NPAS3: variants seen among roughly 807,000 people sequenced by gnomAD.
NPAS3 encodes neuronal PAS domain-containing protein 3.
In NPAS3, 14 loss-of-function variants were observed where a neutral mutation model predicts 73.1. That is an observed-to-expected ratio of 0.19 (90% CI 0.13 to 0.30). The LOEUF (loss-of-function observed/expected upper bound fraction) is 0.30, where lower values mean the gene tolerates loss of function less well. Among genes scored for constraint, NPAS3 ranks in the 10% least tolerant of loss-of-function variants. NPAS3 has a pLI of 1.00. For synonymous variants in NPAS3, 620 were observed against 541.5 expected (o/e 1.14, Z -2.01); for missense variants, 1,096 against 1,250.0 (o/e 0.88, Z 1.86).
intron 1 of NPAS3, among the ~76,000 whole-genome samples, chr14:32,999,937 T>A (rs1318601559): frequency 1.3e-5 from 2 of 152,238 alleles, no homozygotes; most frequent in Non-Finnish European, 2.9e-5. Flanking sequence ...TGTGGTGAGT[T>A]GTGATGAAGT....
In NPAS3 at chr14:33,544,788, T is replaced by TTATATATATATATATATATA. The variant is rs71406561; in HGVS notation, c.469-15329_469-15310dup. Among the ~76,000 whole-genome samples, 156 of 63,240 alleles carry TTATATATATATATATATATA rather than the reference T, an allele frequency of 2.5e-3. 6 individuals are homozygous for TTATATATATATATATATATA. The highest frequency in any genetic ancestry group is 0.013 in the African/African-American group (148 of 11,560). 41.5% of individuals were successfully genotyped at this position (63,240 alleles called of 152,430 possible). ...GCATGTATGTGTTTATGTGTGTGTA[T>TTATATATATATATATATATA]TATATATATATATATATATATATGT... On this transcript the variant is annotated intron_variant, in intron 4 of 11. Transcript: ENST00000356141.
At chr14:33,165,907 T>G (rs1313510681) in intron 2 of NPAS3, among the ~76,000 whole-genome samples, 3 of 152,194 alleles carry the variant, frequency 2.0e-5, no homozygotes, top group African/African-American at 4.8e-5. Flanking sequence ...GAGTACTTTG[T>G]GTCCCCCCAT....
At chr14:33,131,095 G>C (rs7143811) in intron 2 of NPAS3, among the ~76,000 whole-genome samples, 142,557 of 152,212 alleles carry the variant, frequency 0.94, 66,811 homozygotes, top group Non-Finnish European at 0.95. Flanking sequence ...TCCTCTACTT[G>C]TCAGTACACA....
intron 2 of NPAS3, among the ~76,000 whole-genome samples, chr14:33,152,171 G>A (rs1427991772): frequency 6.6e-6 from 1 of 152,006 alleles, no homozygotes; most frequent in African/African-American, 2.4e-5. Context: ...GAAAGCCCCT[G>A]CAACAAAAAT....
intron 4 of NPAS3, among the ~76,000 whole-genome samples, chr14:33,396,341 T>G (rs1416060903): frequency 6.6e-6 from 1 of 152,160 alleles, no homozygotes; most frequent in Non-Finnish European, 1.5e-5. Context: ...TGGTCCTGAC[T>G]CTGAGCAGTG....
At chr14:32,956,308 T>C (rs539158959) in intron 1 of NPAS3, among the ~76,000 whole-genome samples, 2 of 152,302 alleles carry the variant, frequency 1.3e-5, no homozygotes, top group African/African-American at 4.8e-5. Flanking sequence ...ACAGTTTTTC[T>C]AGGGATTTCT....
chr14:33,119,421 C>T (rs2043163458), intron 2 of NPAS3, among the ~76,000 whole-genome samples: 1 of 151,998 alleles, frequency 6.6e-6, no homozygotes, highest in African/African-American at 2.4e-5. Flanking sequence ...GGGAGGAAAA[C>T]AAGATAGGAA....
chr14:33,151,075 C>A (rs1331704591), intron 2 of NPAS3, among the ~76,000 whole-genome samples: 1 of 152,220 alleles, frequency 6.6e-6, no homozygotes. Flanking sequence ...ATACTTAACA[C>A]CGTGAATCTC....
At chr14:33,164,701 G>A (rs528455387) in intron 2 of NPAS3, among the ~76,000 whole-genome samples, 3 of 152,182 alleles carry the variant, frequency 2.0e-5, no homozygotes, top group African/African-American at 7.2e-5. Context: ...AATTTCTTTC[G>A]TATTCCTGTT....
chr14:33,473,671 G>C (rs1481368173), intron 4 of NPAS3, among the ~76,000 whole-genome samples: 3 of 152,138 alleles, frequency 2.0e-5, no homozygotes, highest in African/African-American at 7.2e-5. Flanking sequence ...GAGTGTAATG[G>C]GAAGAGAGTT....
chr14:32,987,766 A>T (rs1167603766), intron 1 of NPAS3, among the ~76,000 whole-genome samples: 2 of 152,164 alleles, frequency 1.3e-5, no homozygotes, highest in African/African-American at 4.8e-5. Flanking sequence ...AATTTACAAG[A>T]CTTACATTAA....
At chr14:33,548,223 A>G (rs1035091271) in intron 4 of NPAS3, among the ~76,000 whole-genome samples, 2 of 152,222 alleles carry the variant, frequency 1.3e-5, no homozygotes, top group Admixed American at 1.3e-4. Context: ...TTAGTCTACA[A>G]TTAGTCTACA....
At chr14:33,201,771 C>T (rs892078204) in intron 2 of NPAS3, among the ~76,000 whole-genome samples, 1 of 152,106 alleles carries the variant, frequency 6.6e-6, no homozygotes, top group Non-Finnish European at 1.5e-5. Flanking sequence ...GTGATGGGGG[C>T]ACATTGAGAA....
At chr14:33,709,857 T>C (rs927338273) in intron 6 of NPAS3, among the ~76,000 whole-genome samples, 5 of 152,176 alleles carry the variant, frequency 3.3e-5, no homozygotes, top group African/African-American at 7.2e-5. Flanking sequence ...GGATGGTTGA[T>C]ATGTATCATG....
At chr14:32,959,914 A>C (rs558789853) in intron 1 of NPAS3, among the ~76,000 whole-genome samples, 13 of 152,178 alleles carry the variant, frequency 8.5e-5, no homozygotes, top group Non-Finnish European at 1.9e-4. Flanking sequence ...AACTGGCATA[A>C]ACATTCTATG....
chr14:33,525,566 A>C (rs1345421309), intron 4 of NPAS3, among the ~76,000 whole-genome samples: 2 of 152,126 alleles, frequency 1.3e-5, no homozygotes, highest in Non-Finnish European at 2.9e-5. Flanking sequence ...AGGATGATTC[A>C]TTTATTTCTG....
intron 4 of NPAS3, among the ~76,000 whole-genome samples, chr14:33,444,069 A>G (rs965701203): frequency 6.6e-6 from 1 of 152,214 alleles, no homozygotes. Flanking sequence ...AGAAATTTAC[A>G]CTTTGTCTTT....
At chr14:33,539,015 G>A (rs1029065778) in intron 4 of NPAS3, among the ~76,000 whole-genome samples, 2 of 152,284 alleles carry the variant, frequency 1.3e-5, no homozygotes, top group East Asian at 3.9e-4. Context: ...AACCTCTCAA[G>A]CATCATCTAG....
chr14:33,725,358 G>A (rs1001160917), intron 6 of NPAS3, among the ~76,000 whole-genome samples: 1 of 152,004 alleles, frequency 6.6e-6, no homozygotes, highest in Non-Finnish European at 1.5e-5. Flanking sequence ...GCAGACACAG[G>A]TTTTATCCCA....
Sources: allele counts gnomAD v4.1 joint callset (sites outside exome capture counted in the v4.1 genomes callset), GRCh38; gene constraint gnomAD v4.1.1; transcripts MANE v1.5; gene names NCBI Gene and HGNC (gene_info 2026-07-23, HGNC 2026-07-21).